The following PISD variants were observed in gnomAD, a reference collection of about 807,000 sequenced individuals.
PISD encodes phosphatidylserine decarboxylase, also known as phosphatidylserine decarboxylase proenzyme, mitochondrial.
In PISD, 31 loss-of-function variants were observed where a neutral mutation model predicts 43.5. The observed-to-expected ratio is 0.71, with a 90% confidence interval of 0.54 to 0.96. The LOEUF (loss-of-function observed/expected upper bound fraction) is 0.96, where lower values mean the gene tolerates loss of function less well. Among genes scored for constraint, PISD ranks in the 40% least tolerant of loss-of-function variants. The pLI is 0.00. For missense variants in PISD, 523 were observed against 548.4 expected (o/e 0.95, Z 0.46); for synonymous variants, 259 against 228.7 (o/e 1.13, Z -1.20).
intron 1 of PISD, among the ~76,000 whole-genome samples, chr22:31,650,981 T>C (rs966909691): frequency 6.6e-6 from 1 of 152,206 alleles, no homozygotes; most frequent in Non-Finnish European, 1.5e-5. Context: ...CATTCATTCT[T>C]GAGACAGAGA....
At chr22:31,623,852 G>T (rs1379284996) in intron 3 of PISD, 3 of 1,612,238 alleles carry the variant, frequency 1.9e-6, no homozygotes, top group South Asian at 1.1e-5. Context: ...AGTGCAACCT[G>T]CAGGGCACAG....
intron 1 of PISD, among the ~76,000 whole-genome samples, chr22:31,659,102 C>T (rs1198275466): frequency 6.6e-6 from 1 of 152,100 alleles, no homozygotes; most frequent in African/African-American, 2.4e-5. Flanking sequence ...AATCCACCCG[C>T]CTTAGCCTCC....
rs2072335337 is a variant in PISD at position 31,619,204 on chromosome 22, A to C, written c.*408T>G. ...CTCACCCTGTGCAGCAGGAGCGTTAAGGCCAAAAAACAAAAGGGGCCAACA... is the reference window on the plus strand; with the variant it reads ...CTCACCCTGTGCAGCAGGAGCGTTACGGCCAAAAAACAAAAGGGGCCAACA... On this transcript the variant is annotated 3_prime_UTR_variant, in exon 8 of 8. Coordinates refer to ENST00000439502, the MANE Select transcript of PISD (RefSeq NM_001326411.2). 3 of 325,090 alleles carry C rather than the reference A, an allele frequency of 9.2e-6. No homozygotes were observed. Among genetic ancestry groups the C allele is most frequent in the Non-Finnish European group, 1.8e-5 (3 of 166,448 alleles). The allele number at this position is 325,090 out of a possible 1,614,324, so 20.1% of individuals were successfully genotyped here.
chr22:31,640,067 C>G (rs1207934963), intron 3 of PISD, among the ~76,000 whole-genome samples: 2 of 152,136 alleles, frequency 1.3e-5, no homozygotes, highest in Non-Finnish European at 2.9e-5. Context: ...GAATAGCACT[C>G]TGGAAGCCAA....
intron 1 of PISD, among the ~76,000 whole-genome samples, chr22:31,656,086 G>C (rs1372131306): frequency 6.7e-6 from 1 of 149,744 alleles, no homozygotes; most frequent in East Asian, 2.1e-4. Context: ...CTGAGGTCGG[G>C]AGTTTGAGAC....
Position 31,619,313 on chromosome 22 carries a change from C to T in PISD, c.*299G>A, listed in dbSNP as rs2072341675. On this transcript the variant is annotated 3_prime_UTR_variant, in exon 8 of 8. Transcript: ENST00000439502. ...CTGAAGGTTCGGTCAGGAATGCAGG[C>T]TCTTCCGTCTATACAGTGTTTAAAA... The T allele has an allele frequency of 2.5e-6, 1 of 392,442 alleles. No homozygotes were observed. Among genetic ancestry groups the T allele is most frequent in the Non-Finnish European group, 4.8e-6 (1 of 206,280 alleles). 24.3% of individuals were successfully genotyped at this position (392,442 alleles called of 1,614,324 possible). A position where few individuals can be genotyped will look rare whatever the true frequency, so the allele number is the denominator to read the frequency against.
chr22:31,628,557 G>A (rs569532082), intron 3 of PISD, among the ~76,000 whole-genome samples: 1 of 152,338 alleles, frequency 6.6e-6, no homozygotes, highest in South Asian at 2.1e-4. Context: ...TGGCCTAAGG[G>A]CCAGTCACCT....
chr22:31,619,373 A>ACTT lies in PISD; in HGVS notation c.*236_*238dup. 1.7e-6 allele frequency: 1 copy of ACTT among 603,670 alleles called. No individual in the cohort carries two copies. The highest frequency in any genetic ancestry group is 1.6e-5 in the South Asian group (1 of 63,420). The allele number at this position is 603,670 out of a possible 1,614,324, so 37.4% of individuals were successfully genotyped here. ...TGTGACTGAGATCATTCCAGCCTGC[A>ACTT]CTTTTTATTTGTAGGCAGAAGGAAC... is the stretch of plus-strand genomic sequence containing the variant. On this transcript the variant is annotated 3_prime_UTR_variant, in exon 8 of 8. Transcript: ENST00000439502.
rs1238883610 is a variant in PISD, at chr22:31,621,120, C to G, written c.720G>C (p.Lys240Asn). 4 of 1,614,090 alleles carry G rather than the reference C, an allele frequency of 2.5e-6. No homozygotes were observed. Among genetic ancestry groups the G allele is most frequent in the Non-Finnish European group, 3.4e-6 (4 of 1,180,054 alleles). Reference sequence around the variant, plus strand: ...TCCCTTCCCGGGTGACCAGCTGGTTCTTGAAGGAGTCACACGACGCGGCTG... The same window carrying G: ...TCCCTTCCCGGGTGACCAGCTGGTTGTTGAAGGAGTCACACGACGCGGCTG... ...FPPAASCDSF[K>N]NQLVTREGNE... The change falls in exon 6 of 8, where the codon AAG becomes AAC. Residue 240 changes from lysine (K) to asparagine (N), a missense_variant. Transcript: ENST00000439502.
intron 3 of PISD, among the ~76,000 whole-genome samples, chr22:31,636,672 TG>T (rs1209589777): frequency 1.3e-5 from 2 of 152,162 alleles, no homozygotes; most frequent in Non-Finnish European, 2.9e-5. Context: ...CCCAAGTAGC[TG>T]GGACTACAGG....
chr22:31,638,668 G>C (rs1237509950), intron 3 of PISD: 2 of 978,126 alleles, frequency 2.0e-6, no homozygotes, highest in Middle Eastern at 5.2e-4. Context: ...TTTTTTCTTT[G>C]TAGAGGCATG....
chr22:31,650,211 C>G (rs544386688), intron 2 of PISD, among the ~76,000 whole-genome samples: 1 of 152,304 alleles, frequency 6.6e-6, no homozygotes, highest in East Asian at 1.9e-4. Flanking sequence ...GGCACGGTGG[C>G]TCAGGCCTGT....
chr22:31,620,997 T>C lies in PISD; in HGVS notation c.843A>G (p.Pro281=). The C allele has an allele frequency of 6.2e-7, 1 of 1,612,054 alleles. No homozygotes were observed. The highest frequency in any genetic ancestry group is 8.5e-7 in the Non-Finnish European group (1 of 1,179,202). ...DWTVSHRRHF[P]GSLMSVNPGM... is the part of the protein sequence containing the mutation. ...CCCCCACGCTGGCCCCGGGCTGACC[T>C]GGGAAGTGGCGCCGGTGGGACACAG... is the stretch of plus-strand genomic sequence containing the variant. The change falls in exon 6 of 8, where the codon CCA becomes CCG. Residue 281 remains proline, a splice_region_variant and synonymous_variant. Transcript: ENST00000439502.
rs1247193718 is a variant in PISD, at chr22:31,637,165, ATATATATATATATAT to A, written c.321+10921_321+10935del. 7.5e-4 allele frequency among the ~76,000 whole-genome samples: 10 copies of A among 13,404 alleles called. 1 individual carries two copies. In the East Asian group the frequency reaches 0.033, roughly 44 times the overall value. The allele number at this position is 13,404 out of a possible 152,430, so 8.8% of individuals were successfully genotyped here. A position where few individuals can be genotyped will look rare whatever the true frequency, so the allele number is the denominator to read the frequency against. On this transcript the variant is annotated intron_variant, in intron 3 of 7. Transcript: ENST00000439502. ...AATTAAAAAAAAAAAAAAAAAAAAAATATATATATATATATATATATATATATATATATATATATA... is the reference window on the plus strand; with the variant it reads ...AATTAAAAAAAAAAAAAAAAAAAAAAATATATATATATATATATATATATA...
At chr22:31,639,283 T>G (rs1036059721) in intron 3 of PISD, among the ~76,000 whole-genome samples, 3 of 152,128 alleles carry the variant, frequency 2.0e-5, no homozygotes, top group Non-Finnish European at 4.4e-5. Flanking sequence ...GTGATTCTCC[T>G]GTCTCAGCCT....
rs1272754155 is a variant in PISD, at chr22:31,621,331, C to T, written c.697+3G>A. Reference sequence around the variant, plus strand: ...GCCTAGCCCCGCCTGTGCAGTGACCCACCTGGTGGGAAGGGCAGGTCCTCT... The same window carrying T: ...GCCTAGCCCCGCCTGTGCAGTGACCTACCTGGTGGGAAGGGCAGGTCCTCT... On this transcript the variant is annotated splice_donor_region_variant and intron_variant, in intron 5 of 7. Transcript: ENST00000439502. 2 of 1,614,048 alleles carry T rather than the reference C, an allele frequency of 1.2e-6. No homozygotes were observed. Among genetic ancestry groups the T allele is most frequent in the Admixed American group, 1.7e-5 (1 of 60,024 alleles).
intron 1 of PISD, among the ~76,000 whole-genome samples, chr22:31,654,188 C>T (rs113702068): frequency 3.3e-5 from 5 of 152,136 alleles, no homozygotes; most frequent in African/African-American, 4.8e-5. Context: ...TCTTACTTGA[C>T]GTCTCAGCAG....
rs946547373 is a variant in PISD at position 31,648,148 on chromosome 22, C to A, written c.274G>T (p.Glu92Ter). 1 of 1,612,254 alleles carries A rather than the reference C, an allele frequency of 6.2e-7. No individual in the cohort carries two copies. The highest frequency in any genetic ancestry group is 8.5e-7 in the Non-Finnish European group (1 of 1,179,812). Reference sequence around the variant, plus strand: ...GGTGGAATCTCCAATCCCAGCTTCTCCAGCTCTCGCTCCCTGTACTTCTCA... The same window carrying A: ...GGTGGAATCTCCAATCCCAGCTTCTACAGCTCTCGCTCCCTGTACTTCTCA... ...QYEKYREREL[E>*]KLGLEIPPKL... The change falls in exon 3 of 8, where the codon GAG (glutamate) becomes TAG (stop). Residue 92 changes from glutamate (E) to a stop codon, truncating the protein, a stop_gained. Transcript: ENST00000439502. LOFTEE classifies it high-confidence loss of function.
At chr22:31,643,652 G>A (rs1043052411) in intron 3 of PISD, among the ~76,000 whole-genome samples, 1 of 152,202 alleles carries the variant, frequency 6.6e-6, no homozygotes, top group African/African-American at 2.4e-5. Context: ...GCTCATGCCT[G>A]TAATTCTAGC....
Sources: gnomAD v4.1 joint callset for allele counts (sites outside exome capture counted in the v4.1 genomes callset) on GRCh38, gnomAD v4.1.1 for gene constraint, MANE v1.5 for transcripts, NCBI Gene and HGNC (gene_info 2026-07-23, HGNC 2026-07-21) for gene names.